The following KIFC1 variants were observed in gnomAD, a reference collection of about 807,000 sequenced individuals.
The protein encoded by KIFC1 is kinesin-like protein KIFC1.
Under a neutral mutation model 66.6 loss-of-function variants are expected in KIFC1, and 37 were observed. The observed-to-expected ratio is 0.56, with a 90% confidence interval of 0.43 to 0.73. The LOEUF (loss-of-function observed/expected upper bound fraction) is 0.73. Ranked by LOEUF, KIFC1 falls within the 30% of genes least tolerant of loss-of-function variation. The pLI is 0.00. For missense variants in KIFC1, 721 were observed against 859.8 expected, an observed-to-expected ratio of 0.84 and a Z score of 2.02; for synonymous variants, 325 against 343.5, an observed-to-expected ratio of 0.95 and a Z score of 0.60.
chr6:33,405,085 C>T lies in KIFC1; in HGVS notation c.990C>T (p.Gly330=), dbSNP rs1435575445. Residue 330 remains glycine (G), a synonymous_variant, in exon 7 of 11, where the codon GGC becomes GGT. Transcript: ENST00000428849. This position sits in a 1 kb window ranked among gnomAD's most constrained non-coding sequence, Gnocchi z 5.4. The stretch of plus-strand genomic sequence containing the variant: ...CGGGGGAGCCCACTCCACCCCCTGG[C>T]CTCCTCCTGTTTCCCTCTGGCCCTG... ...VLPGEPTPPP[G]LLLFPSGPGG... The T allele has an allele frequency of 1.9e-6, 3 of 1,614,128 alleles. No individual in the cohort carries two copies. The highest frequency in any genetic ancestry group is 8.5e-7 in the Non-Finnish European group (1 of 1,180,000).
intron 10 of KIFC1, 123 bp from the exon 11 acceptor site, chr6:33,409,523 C>A (rs1039602506): frequency 4.1e-6 from 4 of 966,470 alleles, no homozygotes; most frequent in Non-Finnish European, 6.7e-6. Flanking sequence ...CTGAACCAGC[C>A]TTTGGAGGCC....
chr6:33,405,177 G>C lies in KIFC1; in HGVS notation c.1082G>C (p.Ser361Thr). ...TCTGACGAGCGGCGTGGGACCCTGA[G>C]TGGGGCACCAGCTCCCCCAACTCGC... ...SRSDERRGTL[S>T]GAPAPPTRHD... is the part of the protein sequence containing the mutation. Residue 361 changes from serine to threonine, a missense_variant, in exon 7 of 11, where the codon AGT (serine) becomes ACT (threonine). Physicochemically the swap from Ser to Thr is moderately conservative, Grantham distance 58. Coordinates refer to ENST00000428849, the MANE Select transcript of KIFC1 (RefSeq NM_002263.4). The surrounding 1 kb of genome is among the most constrained non-coding windows in gnomAD (Gnocchi z 5.4). 1 of 1,614,130 alleles carries C rather than the reference G, an allele frequency of 6.2e-7. No individual in the cohort carries two copies. Among genetic ancestry groups the C allele is most frequent in the Non-Finnish European group, 8.5e-7 (1 of 1,180,028 alleles).
intron 3 of KIFC1, among the ~76,000 whole-genome samples, chr6:33,398,884 G>A (rs943470153): frequency 1.3e-5 from 2 of 152,162 alleles, no homozygotes; most frequent in African/African-American, 4.8e-5. Flanking sequence ...GCTACCCAGG[G>A]CAACTGTGTG....
chr6:33,397,320 C>G (rs1471736992), intron 1 of KIFC1, among the ~76,000 whole-genome samples: 1 of 109,098 alleles, frequency 9.2e-6, no homozygotes, highest in East Asian at 2.9e-4. Context: ...TTTTTTGAGA[C>G]GGAGTCTTAC....
chr6:33,400,563 G>A lies in KIFC1; in HGVS notation c.250+2176G>A. ...GGTCGAACTTCGGTGGCATGGTGGAGGCAGCTGGTGTCGGATGAACCCAGA... is the reference window on the plus strand; with the variant it reads ...GGTCGAACTTCGGTGGCATGGTGGAAGCAGCTGGTGTCGGATGAACCCAGA... On this transcript the variant is annotated intron_variant, in intron 3 of 10. Transcript: ENST00000428849. This position sits in a 1 kb window ranked among gnomAD's most constrained non-coding sequence, Gnocchi z 4.3. 7.4e-7 allele frequency: 1 copy of A among 1,352,664 alleles called. No individual in the cohort carries two copies. The highest frequency in any genetic ancestry group is 1.0e-6 in the Non-Finnish European group (1 of 956,324). 83.8% of individuals were successfully genotyped at this position (1,352,664 alleles called of 1,614,324 possible). A position where few individuals can be genotyped will look rare whatever the true frequency, so the allele number is the denominator to read the frequency against.
rs1253935385 is a variant in KIFC1 at position 33,403,577 on chromosome 6, G to C, written c.355+42G>C. On this transcript the variant is annotated intron_variant, in intron 5 of 10. Coordinates refer to ENST00000428849, the MANE Select transcript of KIFC1 (RefSeq NM_002263.4). This position sits in a 1 kb window ranked among gnomAD's most constrained non-coding sequence, Gnocchi z 4.6. ...ACCACTGGGTGAGAGGCTGGGATAGGGAAGAGAAGATGGTGAGTGACCAGA... is the reference window on the plus strand; with the variant it reads ...ACCACTGGGTGAGAGGCTGGGATAGCGAAGAGAAGATGGTGAGTGACCAGA... 6.2e-7 allele frequency: 1 copy of C among 1,606,432 alleles called. No homozygotes were observed. The highest frequency in any genetic ancestry group is 8.5e-7 in the Non-Finnish European group (1 of 1,173,014).
rs11539351 is a variant in KIFC1, at chr6:33,405,110, G to A, written c.1015G>A (p.Gly339Ser). The change falls in exon 7 of 11, where the codon GGT becomes AGT. Residue 339 changes from glycine to serine, a missense_variant. Coordinates refer to ENST00000428849, the MANE Select transcript of KIFC1 (RefSeq NM_002263.4). The surrounding 1 kb of genome is among the most constrained non-coding windows in gnomAD (Gnocchi z 5.4). ...CCTCCTCCTGTTTCCCTCTGGCCCT[G>A]GTGGGCCCTCTGATCCTCCAACCCG... The part of the protein sequence containing the change: ...PGLLLFPSGP[G>S]GPSDPPTRLS... 1.9e-6 allele frequency: 3 copies of A among 1,613,996 alleles called. No individual in the cohort carries two copies. Among genetic ancestry groups the A allele is most frequent in the East Asian group, 2.2e-5 (1 of 44,880 alleles).
At chr6:33,398,420 A>T in intron 3 of KIFC1, 33 bp downstream of exon 3, 1 of 1,435,156 alleles carries the variant, frequency 7.0e-7, no homozygotes, top group Non-Finnish European at 9.8e-7. Context: ...CTCCAAGGAC[A>T]TGGAAGTCCA....
chr6:33,398,908 A>G (rs538184786), intron 3 of KIFC1, among the ~76,000 whole-genome samples: 45 of 152,252 alleles, frequency 3.0e-4, no homozygotes, highest in African/African-American at 1.0e-3. Context: ...TTCCAGGGAA[A>G]TTCTATTGGT....
chr6:33,403,924 A>C lies in KIFC1; in HGVS notation c.551A>C (p.Glu184Ala). 6.2e-7 allele frequency: 1 copy of C among 1,614,238 alleles called. No individual in the cohort carries two copies. The highest frequency in any genetic ancestry group is 1.1e-5 in the South Asian group (1 of 91,084). ...CAGCAGGTCAAGGCCCTGGGGACAG[A>C]GCGCACAACACTGGAGGGGCATTTA... ...AQQQVKALGT[E>A]RTTLEGHLAK... Residue 184 changes from glutamate to alanine, a missense_variant, in exon 6 of 11, where the codon GAG (glutamate) becomes GCG (alanine). Coordinates refer to ENST00000428849, the MANE Select transcript of KIFC1 (RefSeq NM_002263.4). The surrounding 1 kb of genome is among the most constrained non-coding windows in gnomAD (Gnocchi z 4.6).
rs575955922 is a variant in KIFC1, at chr6:33,400,246, A to G, written c.250+1859A>G. On this transcript the variant is annotated intron_variant, in intron 3 of 10. Transcript: ENST00000428849. The surrounding 1 kb of genome is among the most constrained non-coding windows in gnomAD (Gnocchi z 4.3). Reference sequence around the variant, plus strand: ...AATGTTGACGATCTCATCAAAAGTGATATTCCCATTGTGTTTAATGTTTTT... The same window carrying G: ...AATGTTGACGATCTCATCAAAAGTGGTATTCCCATTGTGTTTAATGTTTTT... 243 of 1,564,862 alleles carry G rather than the reference A, an allele frequency of 1.6e-4. No homozygotes were observed. The highest frequency in any genetic ancestry group is 2.0e-4 in the Non-Finnish European group (229 of 1,150,900).
Position 33,406,761 on chromosome 6 carries a change from G to T in KIFC1, c.1902-39G>T, listed in dbSNP as rs371881136. On this transcript the variant is annotated intron_variant, in intron 9 of 10. Coordinates refer to ENST00000428849, the MANE Select transcript of KIFC1 (RefSeq NM_002263.4). The surrounding 1 kb of genome is among the most constrained non-coding windows in gnomAD (Gnocchi z 4.5). ...GTGGAGACCTGTCCAGGCTCTGCTG[G>T]CCCCTAATGCTGGGGTTGGGCACAT... The T allele has an allele frequency of 3.1e-4, 502 of 1,612,742 alleles. No homozygotes were observed. The highest frequency in any genetic ancestry group is 4.9e-4 in the South Asian group (45 of 91,044).
rs777586516 is a variant in KIFC1 at position 33,391,935 on chromosome 6, C to T, written c.-51C>T. 3.1e-5 allele frequency: 50 copies of T among 1,612,138 alleles called. No homozygotes were observed. The highest frequency in any genetic ancestry group is 4.2e-5 in the Non-Finnish European group (49 of 1,178,616). ...AACGCGAGTCCCAGGATCCCCGGCA[C>T]CCAGTTCTCTTCCACTGCATTCCCC... On this transcript the variant is annotated 5_prime_UTR_variant, in exon 1 of 11. Transcript: ENST00000428849.
chr6:33,393,915 T>A (rs1020834406), intron 1 of KIFC1, among the ~76,000 whole-genome samples: 1 of 151,730 alleles, frequency 6.6e-6, no homozygotes, highest in Non-Finnish European at 1.5e-5. Flanking sequence ...CCCGGCTAAT[T>A]TTTTGTATTT....
rs1775633056 is a variant in KIFC1, at chr6:33,406,043, C to G, written c.1537-153C>G. ...TATACACTCCCTATTCTATGTATTC[C>G]TTACCATTTTCAGACATACTGTGCA... On this transcript the variant is annotated intron_variant, in intron 7 of 10. Coordinates refer to ENST00000428849, the MANE Select transcript of KIFC1 (RefSeq NM_002263.4). The surrounding 1 kb of genome is among the most constrained non-coding windows in gnomAD (Gnocchi z 4.5). 1.3e-5 allele frequency among the ~76,000 whole-genome samples: 2 copies of G among 152,068 alleles called. No individual in the cohort carries two copies. The highest frequency in any genetic ancestry group is 1.3e-4 in the Admixed American group (2 of 15,278).
Position 33,409,705 on chromosome 6 carries a change from CTGTGTGTGTGTGTGTGTGTGTGTG to C in KIFC1, c.*41_*64del, listed in dbSNP as rs3066474. ...ACAGGAAGTGAAGACGGATCCAGAT[CTGTGTGTGTGTGTGTGTGTGTGTG>C]TGTGTGTGTGTGTGTGTGTGTGTGT... On this transcript the variant is annotated 3_prime_UTR_variant, in exon 11 of 11. Coordinates refer to ENST00000428849, the MANE Select transcript of KIFC1 (RefSeq NM_002263.4). 1,229 of 1,264,090 alleles carry C rather than the reference CTGTGTGTGTGTGTGTGTGTGTGTG, an allele frequency of 9.7e-4. 5 individuals are homozygous for C. The highest frequency in any genetic ancestry group is 1.6e-3 in the Middle Eastern group (6 of 3,828). The allele number at this position is 1,264,090 out of a possible 1,614,324, so 78.3% of individuals were successfully genotyped here.
chr6:33,407,044 A>G lies in KIFC1; in HGVS notation c.1977+169A>G, dbSNP rs1262462236. The stretch of plus-strand genomic sequence containing the variant: ...ATTTTTAATTATTAGCTTTTGAGTT[A>G]AGTTTTTTAAAAAACGGGTGATTAA... On this transcript the variant is annotated intron_variant, in intron 10 of 10. Transcript: ENST00000428849. 8 of 1,420,632 alleles carry G rather than the reference A, an allele frequency of 5.6e-6. No homozygotes were observed. In the Admixed American group the frequency reaches 2.4e-4, roughly 43 times the overall value. 88.0% of individuals were successfully genotyped at this position (1,420,632 alleles called of 1,614,324 possible). A position where few individuals can be genotyped will look rare whatever the true frequency, so the allele number is the denominator to read the frequency against.
In KIFC1 at chr6:33,404,028, C is replaced by T. The variant is rs570330144; in HGVS notation, c.655C>T (p.Arg219Trp). The T allele has an allele frequency of 3.7e-5, 60 of 1,614,044 alleles. No homozygotes were observed. The highest frequency in any genetic ancestry group is 2.3e-4 in the Admixed American group (14 of 59,994). ...TGCTTGTGTCCTGGAGCTGGAAGAG[C>T]GGCTGAGCACGCAGGAGGGCTTGGT... ...LRACVLELEE[R>W]LSTQEGLVQE... is the part of the protein sequence containing the mutation. The change falls in exon 6 of 11, where the codon CGG becomes TGG. Residue 219 changes from arginine (R) to tryptophan (W), a missense_variant. By Grantham distance (101) the Arg-to-Trp change is moderately radical. Transcript: ENST00000428849. The surrounding 1 kb of genome is among the most constrained non-coding windows in gnomAD (Gnocchi z 4.0).
rs760204155 is a variant in KIFC1 at position 33,403,872 on chromosome 6, C to G, written c.499C>G (p.Leu167Val). 6.2e-7 allele frequency: 1 copy of G among 1,614,250 alleles called. No individual in the cohort carries two copies. The highest frequency in any genetic ancestry group is 2.2e-5 in the East Asian group (1 of 44,896). ...TQTLDQENQQ[L>V]QDQLRDAQQQ... ...AACGTTGGACCAAGAGAACCAGCAGCTTCAGGACCAGCTCAGAGATGCCCA... is the reference window on the plus strand; with the variant it reads ...AACGTTGGACCAAGAGAACCAGCAGGTTCAGGACCAGCTCAGAGATGCCCA... The change falls in exon 6 of 11, where the codon CTT becomes GTT. Residue 167 changes from leucine to valine, a missense_variant. Physicochemically the swap from Leu to Val is conservative, Grantham distance 32 (BLOSUM62 1). Coordinates refer to ENST00000428849, the MANE Select transcript of KIFC1 (RefSeq NM_002263.4). The surrounding 1 kb of genome is among the most constrained non-coding windows in gnomAD (Gnocchi z 4.6).
Sources: allele counts gnomAD v4.1 joint callset (sites outside exome capture counted in the v4.1 genomes callset), GRCh38; gene constraint gnomAD v4.1.1; non-coding constraint Gnocchi (gnomAD v3.1); transcripts MANE v1.5; gene names NCBI Gene and HGNC (gene_info 2026-07-23, HGNC 2026-07-21).